Variants in KCNH1 observed in about 807,000 individuals in gnomAD.
KCNH1 encodes the protein voltage-gated delayed rectifier potassium channel KCNH1.
In KCNH1, 27 loss-of-function variants were observed where a neutral mutation model predicts 69.2. The observed-to-expected ratio is 0.39, with a 90% confidence interval of 0.29 to 0.54. KCNH1 has a LOEUF of 0.54. Ranked by LOEUF, KCNH1 falls within the 20% of genes least tolerant of loss-of-function variation. The probability of loss-of-function intolerance (pLI) is 0.68; values close to 1 mark genes in which losing one functional copy is unlikely to be tolerated. For missense variants in KCNH1, 798 were observed against 1,261.6 expected, an observed-to-expected ratio of 0.63 and a Z score of 5.57; for synonymous variants, 456 against 487.7, an observed-to-expected ratio of 0.93 and a Z score of 0.86.
intron 7 of KCNH1, among the ~76,000 whole-genome samples, chr1:210,842,622 CAGGTG>C (rs1685435011): frequency 6.6e-6 from 1 of 152,098 alleles, no homozygotes; most frequent in Non-Finnish European, 1.5e-5. Context: ...TTTCAGATTT[CAGGTG>C]ATAAAACAGC....
At chr1:210,793,828 G>A (rs912994846) in intron 9 of KCNH1, among the ~76,000 whole-genome samples, 1 of 152,060 alleles carries the variant, frequency 6.6e-6, no homozygotes, top group Non-Finnish European at 1.5e-5. Context: ...CTCAATAATT[G>A]CTCATCCAAT....
At chr1:210,811,304 T>C (rs1464733776) in intron 7 of KCNH1, among the ~76,000 whole-genome samples, 4 of 152,192 alleles carry the variant, frequency 2.6e-5, no homozygotes, top group African/African-American at 4.8e-5. Context: ...GGCCTCCTTT[T>C]CCTTAGCTCC....
At chr1:210,770,656 G>A (rs948383759) in intron 10 of KCNH1, among the ~76,000 whole-genome samples, 2 of 152,244 alleles carry the variant, frequency 1.3e-5, no homozygotes, top group Middle Eastern at 3.2e-3. Context: ...CTACGAGGGG[G>A]AAATTTGTCA....
At chr1:211,124,873 A>G (rs1691750854) in intron 1 of KCNH1, among the ~76,000 whole-genome samples, 1 of 152,160 alleles carries the variant, frequency 6.6e-6, no homozygotes. Context: ...ACCTTGGTAT[A>G]AGCAGTTTTC....
chr1:211,120,684 G>T (rs542287443), intron 1 of KCNH1, among the ~76,000 whole-genome samples: 2 of 152,168 alleles, frequency 1.3e-5, no homozygotes, highest in East Asian at 1.9e-4. Flanking sequence ...AAAAAGAGGG[G>T]TTTTTTGGTA....
chr1:210,870,185 G>C (rs1166240696), intron 7 of KCNH1, among the ~76,000 whole-genome samples: 1 of 152,020 alleles, frequency 6.6e-6, no homozygotes, highest in Non-Finnish European at 1.5e-5. Flanking sequence ...TGGTTTTCTA[G>C]TTGTTTACAG....
intron 6 of KCNH1, among the ~76,000 whole-genome samples, chr1:210,995,285 T>C (rs2102393250): frequency 6.6e-6 from 1 of 152,292 alleles, no homozygotes; most frequent in Admixed American, 6.5e-5. Context: ...AACATAAACT[T>C]GATGACTAGA....
chr1:211,066,132 G>A (rs1428060933), intron 5 of KCNH1, among the ~76,000 whole-genome samples: 2 of 152,058 alleles, frequency 1.3e-5, no homozygotes, highest in African/African-American at 4.8e-5. Context: ...TTAAAAAATG[G>A]TTACTTGCAA....
At chr1:210,996,729 C>A (rs991026690) in intron 6 of KCNH1, among the ~76,000 whole-genome samples, 3 of 152,176 alleles carry the variant, frequency 2.0e-5, no homozygotes, top group Non-Finnish European at 4.4e-5. Flanking sequence ...CTGGGAGGCA[C>A]CCCCCAGTAG....
intron 9 of KCNH1, among the ~76,000 whole-genome samples, chr1:210,784,611 C>T (rs925881925): frequency 6.6e-5 from 10 of 152,176 alleles, no homozygotes; most frequent in African/African-American, 2.4e-4. Flanking sequence ...CTGTATTTCA[C>T]TCTACTTCTC....
chr1:210,683,637 C>A lies in KCNH1; in HGVS notation c.2614G>T (p.Ala872Ser). Residue 872 changes from alanine (A) to serine (S), a missense_variant, in exon 11 of 11, where the codon GCC becomes TCC. Coordinates refer to ENST00000271751, the MANE Select transcript of KCNH1 (RefSeq NM_172362.3). This position sits in a 1 kb window ranked among gnomAD's most constrained non-coding sequence, Gnocchi z 5.7. ...CACGAGTCTGTCTTCTTCAGTGTGG[C>A]CTCGCCTGACGCTTTTGTCCTCTCG... is the stretch of plus-strand genomic sequence containing the variant. ...LPERTKASGE[A>S]TLKKTDSCDS... is the part of the protein sequence containing the mutation. The A allele has an allele frequency of 6.2e-7, 1 of 1,614,226 alleles. No individual in the cohort carries two copies. Among genetic ancestry groups the A allele is most frequent in the Non-Finnish European group, 8.5e-7 (1 of 1,180,044 alleles).
chr1:210,683,139 C>A lies in KCNH1; in HGVS notation c.*142G>T, dbSNP rs1681312690. The A allele has an allele frequency of 2.5e-6, 2 of 789,410 alleles. No individual in the cohort carries two copies. The highest frequency in any genetic ancestry group is 4.1e-6 in the Non-Finnish European group (2 of 488,252). The allele number at this position is 789,410 out of a possible 1,614,324, so 48.9% of individuals were successfully genotyped here. On this transcript the variant is annotated 3_prime_UTR_variant, in exon 11 of 11. Coordinates refer to ENST00000271751, the MANE Select transcript of KCNH1 (RefSeq NM_172362.3). The surrounding 1 kb of genome is among the most constrained non-coding windows in gnomAD (Gnocchi z 5.7). ...TATCTTTTTCCAGATAGAGAAAGAGCACGTCTAAGCCACTGGCCCCACTTT... is the reference window on the plus strand; with the variant it reads ...TATCTTTTTCCAGATAGAGAAAGAGAACGTCTAAGCCACTGGCCCCACTTT...
chr1:210,925,436 C>T (rs1198376500), intron 6 of KCNH1, among the ~76,000 whole-genome samples: 34 of 152,214 alleles, frequency 2.2e-4, no homozygotes, highest in African/African-American at 1.2e-4. Flanking sequence ...ACCTGTGAGT[C>T]GGCTTGCTTT....
At chr1:210,922,383 CAAAAAAAAA>C (rs758026291) in intron 6 of KCNH1, among the ~76,000 whole-genome samples, 28 of 98,296 alleles carry the variant, frequency 2.8e-4, no homozygotes, top group Non-Finnish European at 4.8e-4. Context: ...GACTCCGTCT[CAAAAAAAAA>C]AAAAAAAAAA....
chr1:211,008,840 CA>C (rs924042350), intron 6 of KCNH1, among the ~76,000 whole-genome samples: 37 of 152,186 alleles, frequency 2.4e-4, no homozygotes, highest in African/African-American at 8.9e-4. Context: ...TTTAAAGTTT[CA>C]AAAAATTCTA....
rs200903579 is a variant in KCNH1 at position 210,709,724 on chromosome 1, G to GAA, written c.2113-25587_2113-25586insTT. Among the ~76,000 whole-genome samples, 8 of 64,044 alleles carry GAA rather than the reference G, an allele frequency of 1.2e-4. No individual in the cohort carries two copies. The South Asian group carries it at 3.9e-3, about 31-fold the overall frequency. The allele number at this position is 64,044 out of a possible 152,430, so 42.0% of individuals were successfully genotyped here. A position where few individuals can be genotyped will look rare whatever the true frequency, so the allele number is the denominator to read the frequency against. On this transcript the variant is annotated intron_variant, in intron 10 of 10. Coordinates refer to ENST00000271751, the MANE Select transcript of KCNH1 (RefSeq NM_172362.3). ...AAAAGAAAGAGAAAGAAAGAAAGAA[G>GAA]AGAGAGAGAGAGAGAGAAAGAGAGA...
At chr1:211,053,029 C>G (rs1690233645) in intron 5 of KCNH1, among the ~76,000 whole-genome samples, 1 of 152,076 alleles carries the variant, frequency 6.6e-6, no homozygotes. Flanking sequence ...AGATAATTTC[C>G]CTTTAAATTT....
Position 210,822,208 on chromosome 1 carries a change from T to C in KCNH1, c.1463-18042A>G, listed in dbSNP as rs143325726. Among the ~76,000 whole-genome samples the C allele has an allele frequency of 3.0e-3, 457 of 151,682 alleles. 3 individuals carry two copies. Among genetic ancestry groups the C allele is most frequent in the African/African-American group, 0.01 (431 of 41,304 alleles). Reference sequence around the variant, plus strand: ...GCATGCATTGGGCCCAGAGAAAAATTTTGAAAGGTAAATGGGAATTAGAGG... The same window carrying C: ...GCATGCATTGGGCCCAGAGAAAAATCTTGAAAGGTAAATGGGAATTAGAGG... On this transcript the variant is annotated intron_variant, in intron 7 of 10. Coordinates refer to ENST00000271751, the MANE Select transcript of KCNH1 (RefSeq NM_172362.3).
chr1:211,076,536 C>G (rs1254089563), intron 5 of KCNH1, among the ~76,000 whole-genome samples: 1 of 152,180 alleles, frequency 6.6e-6, no homozygotes, highest in Non-Finnish European at 1.5e-5. Flanking sequence ...AGAAGGAAAA[C>G]TAACAAACAG....
Sources: gnomAD v4.1 joint callset for allele counts (sites outside exome capture counted in the v4.1 genomes callset) on GRCh38, gnomAD v4.1.1 for gene constraint, Gnocchi (gnomAD v3.1) non-coding constraint, MANE v1.5 for transcripts, NCBI Gene and HGNC (gene_info 2026-07-23, HGNC 2026-07-21) for gene names.